PDE7B: variants seen among roughly 807,000 people sequenced by gnomAD.
The protein encoded by PDE7B is 3',5'-cyclic-AMP phosphodiesterase 7B.
A neutral mutation model predicts 56.2 loss-of-function variants in PDE7B; 29 were observed. The ratio of observed to expected loss-of-function variants is 0.52; its 90% confidence interval spans 0.38 to 0.70. The LOEUF (loss-of-function observed/expected upper bound fraction) is 0.70, where lower values mean the gene tolerates loss of function less well. Among genes scored for constraint, PDE7B ranks in the 30% least tolerant of loss-of-function variants. The pLI, the probability that PDE7B is intolerant of heterozygous loss-of-function variation, is 0.00. For synonymous variants in PDE7B, 197 were observed against 196.9 expected, an observed-to-expected ratio of 1.00 and a Z score of 0.00; for missense variants, 490 against 565.0, an observed-to-expected ratio of 0.87 and a Z score of 1.35.
chr6:136,005,478 A>C (rs1041864406), intron 2 of PDE7B, among the ~76,000 whole-genome samples: 7 of 152,324 alleles, frequency 4.6e-5, no homozygotes, highest in East Asian at 3.9e-4. Context: ...TAATATCCAG[A>C]ATCTACAATG....
chr6:136,037,591 T>C lies in PDE7B; in HGVS notation c.83-71140T>C, dbSNP rs988043099. ...CAGAGAGAAGCAGCTGCAGATTGGC[T>C]CTGCAGACTCTCAGCTTCCTCTGTT... is the stretch of plus-strand genomic sequence containing the variant. On this transcript the variant is annotated intron_variant, in intron 2 of 12. Coordinates refer to ENST00000308191, the MANE Select transcript of PDE7B (RefSeq NM_018945.4). 1.1e-5 allele frequency: 11 copies of C among 985,288 alleles called. No individual in the cohort carries two copies. In the African/African-American group the frequency reaches 1.9e-4, roughly 17 times the overall value. 61.0% of individuals were successfully genotyped at this position (985,288 alleles called of 1,614,324 possible).
chr6:136,167,323 C>T (rs535343244), intron 8 of PDE7B, among the ~76,000 whole-genome samples: 1 of 152,090 alleles, frequency 6.6e-6, no homozygotes, highest in African/African-American at 2.4e-5. Flanking sequence ...TGTGTCCCCA[C>T]CCAAATCTCA....
intron 2 of PDE7B, among the ~76,000 whole-genome samples, chr6:136,022,002 G>C (rs182316478): frequency 6.6e-6 from 1 of 152,090 alleles, no homozygotes; most frequent in Non-Finnish European, 1.5e-5. Flanking sequence ...GCCTTCCTTT[G>C]TTTGTCACTG....
At chr6:136,100,407 A>G (rs141459410) in intron 2 of PDE7B, among the ~76,000 whole-genome samples, 297 of 152,300 alleles carry the variant, frequency 2.0e-3, no homozygotes, top group Middle Eastern at 6.8e-3. Context: ...ATCCATGAGC[A>G]TGGAATGTTT....
chr6:136,012,032 T>A (rs923329426), intron 2 of PDE7B, among the ~76,000 whole-genome samples: 2 of 152,156 alleles, frequency 1.3e-5, no homozygotes, highest in African/African-American at 4.8e-5. Context: ...TAATTACAAG[T>A]GAAATATACA....
chr6:135,945,798 T>C (rs1389059605), intron 1 of PDE7B, among the ~76,000 whole-genome samples: 1 of 152,164 alleles, frequency 6.6e-6, no homozygotes, highest in South Asian at 2.1e-4. Flanking sequence ...AAGTTATTGA[T>C]GAAGACAGTC....
At chr6:135,971,559 A>G (rs1775094485) in intron 2 of PDE7B, among the ~76,000 whole-genome samples, 1 of 152,196 alleles carries the variant, frequency 6.6e-6, no homozygotes. Flanking sequence ...TGATATAGGA[A>G]CAGATGGTGT....
At chr6:135,975,852 T>C (rs1296307762) in intron 2 of PDE7B, among the ~76,000 whole-genome samples, 1 of 152,110 alleles carries the variant, frequency 6.6e-6, no homozygotes, top group Admixed American at 6.5e-5. Context: ...AGTTGGTAAA[T>C]TAACGTGGAC....
intron 2 of PDE7B, among the ~76,000 whole-genome samples, chr6:136,081,417 G>C (rs1777204998): frequency 6.6e-6 from 1 of 152,190 alleles, no homozygotes; most frequent in South Asian, 2.1e-4. Context: ...AAGGGCAATT[G>C]AGTGATTAAA....
chr6:135,999,942 T>C (rs1211763753), intron 2 of PDE7B, among the ~76,000 whole-genome samples: 1 of 152,242 alleles, frequency 6.6e-6, no homozygotes, highest in South Asian at 2.1e-4. Context: ...TTTGACTTTT[T>C]AATGATAGCC....
intron 1 of PDE7B, among the ~76,000 whole-genome samples, chr6:135,878,262 C>T (rs1407897210): frequency 6.6e-6 from 1 of 152,056 alleles, no homozygotes; most frequent in East Asian, 1.9e-4. Flanking sequence ...ATTTTTATTA[C>T]ATATTTTATC....
intron 3 of PDE7B, among the ~76,000 whole-genome samples, chr6:136,122,140 C>T (rs747360021): frequency 1.2e-4 from 18 of 152,016 alleles, no homozygotes; most frequent in Non-Finnish European, 2.2e-4. Flanking sequence ...GGACTCCAGG[C>T]GCCCACCACC....
At chr6:136,010,389 C>CTTTT (rs1327188298) in intron 2 of PDE7B, among the ~76,000 whole-genome samples, 3 of 98,802 alleles carry the variant, frequency 3.0e-5, no homozygotes, top group Admixed American at 1.1e-4. Flanking sequence ...TTATTCCCTT[C>CTTTT]TTTTTTTTTT....
At chr6:135,967,535 G>A (rs1359965249) in intron 2 of PDE7B, among the ~76,000 whole-genome samples, 2 of 152,114 alleles carry the variant, frequency 1.3e-5, no homozygotes, top group East Asian at 3.9e-4. Context: ...CGCTGTGAAG[G>A]AGACAGTCCT....
chr6:136,075,725 G>A (rs1777117501), intron 2 of PDE7B, among the ~76,000 whole-genome samples: 1 of 152,048 alleles, frequency 6.6e-6, no homozygotes, highest in Non-Finnish European at 1.5e-5. Context: ...TCTTATTTGA[G>A]TGATCCCTGA....
At chr6:136,047,191 A>G (rs964416739) in intron 2 of PDE7B, 2 of 151,692 alleles carry the variant, frequency 1.3e-5, no homozygotes, top group Non-Finnish European at 2.9e-5. Context: ...CTCTACTACC[A>G]CTCTTTCTCT....
At chr6:135,928,439 A>ATATATTTATT (rs1463776713) in intron 1 of PDE7B, among the ~76,000 whole-genome samples, 1,600 of 108,972 alleles carry the variant, frequency 0.015, 13 homozygotes, top group Middle Eastern at 0.022. Flanking sequence ...TTATATATAT[A>ATATATTTATT]TATATATATT....
chr6:136,009,173 T>C (rs1321686839), intron 2 of PDE7B, among the ~76,000 whole-genome samples: 1 of 152,098 alleles, frequency 6.6e-6, no homozygotes, highest in Non-Finnish European at 1.5e-5. Flanking sequence ...CTGAGGGCTC[T>C]GTTCTGTTCC....
At position 135,867,444 on chromosome 6, in the gene PDE7B, CA is replaced by C. The variant is rs573509075; in HGVS notation, c.21+15426del. On this transcript the variant is annotated intron_variant, in intron 1 of 12. Transcript: ENST00000308191. ...AAAAATTTTTTTTAACTTTTAAGGT[CA>C]GGGGTACATGTGCAGGATGTGCAGG... 5.3e-3 allele frequency among the ~76,000 whole-genome samples: 809 copies of C among 152,096 alleles called. 2 individuals are homozygous for C. The highest frequency in any genetic ancestry group is 8.1e-3 in the Non-Finnish European group (552 of 67,988).
Sources: gnomAD v4.1 joint callset for allele counts (sites outside exome capture counted in the v4.1 genomes callset) on GRCh38, gnomAD v4.1.1 for gene constraint, MANE v1.5 for transcripts, NCBI Gene and HGNC (gene_info 2026-07-23, HGNC 2026-07-21) for gene names.